The following RABGAP1L variants were observed in gnomAD, a reference collection of about 807,000 sequenced individuals.
The protein encoded by RABGAP1L is RAB GTPase activating protein 1 like.
Under a neutral mutation model 137.7 loss-of-function variants are expected in RABGAP1L, and 63 were observed. The ratio of observed to expected loss-of-function variants is 0.46; its 90% CI spans 0.37 to 0.56. The LOEUF is 0.56. Ranked by LOEUF, RABGAP1L falls within the 20% of genes least tolerant of loss-of-function variation. The pLI, the probability that RABGAP1L is intolerant of heterozygous loss-of-function variation, is 0.00. For missense variants in RABGAP1L, 1,095 were observed against 1,244.0 expected (o/e 0.88, Z 1.80); for synonymous variants, 431 against 433.7 (o/e 0.99, Z 0.08).
chr1:174,407,502 C>CT lies in RABGAP1L; in HGVS notation c.1710+13359dup, dbSNP rs550367723. Among the ~76,000 whole-genome samples, 12 of 152,142 alleles carry CT rather than the reference C, an allele frequency of 7.9e-5. No homozygotes were observed. In the East Asian group the frequency reaches 2.3e-3, roughly 29 times the overall value. ...TAATAGCCTATTGTTGAGTGGAAGC[C>CT]TTACCAATAACATAGGCAGTCAGTT... is the stretch of plus-strand genomic sequence containing the variant. On this transcript the variant is annotated intron_variant, in intron 13 of 25. Coordinates refer to ENST00000681986, the MANE Select transcript of RABGAP1L (RefSeq NM_001366446.1).
At chr1:174,210,238 C>T (rs573832264) in intron 1 of RABGAP1L, among the ~76,000 whole-genome samples, 1 of 152,234 alleles carries the variant, frequency 6.6e-6, no homozygotes, top group South Asian at 2.1e-4. Context: ...GAAAACATGA[C>T]CTTACCAAAG....
intron 19 of RABGAP1L, chr1:174,893,065 T>G: frequency 3.0e-6 from 1 of 329,386 alleles, no homozygotes. Context: ...CATTTCTGAT[T>G]TGTCCATTAT....
intron 18 of RABGAP1L, among the ~76,000 whole-genome samples, chr1:174,798,275 C>G (rs1438662011): frequency 6.7e-6 from 1 of 149,106 alleles, no homozygotes; most frequent in African/African-American, 2.5e-5. Context: ...GGTGTGGTGG[C>G]GGGCGCTTGT....
intron 11 of RABGAP1L, among the ~76,000 whole-genome samples, chr1:174,366,426 AC>A (rs1463537322): frequency 3.9e-5 from 6 of 152,090 alleles, no homozygotes; most frequent in Non-Finnish European, 7.3e-5. Context: ...GCCTTTAAAC[AC>A]CAACATTTTA....
intron 18 of RABGAP1L, among the ~76,000 whole-genome samples, chr1:174,760,925 C>T (rs1195023788): frequency 6.6e-6 from 1 of 152,220 alleles, no homozygotes; most frequent in African/African-American, 2.4e-5. Flanking sequence ...AGATACTGTT[C>T]TATGTGCTTG....
intron 5 of RABGAP1L, among the ~76,000 whole-genome samples, chr1:174,249,213 C>T (rs966875742): frequency 6.6e-6 from 1 of 152,022 alleles, no homozygotes; most frequent in African/African-American, 2.4e-5. Flanking sequence ...AGAATAAGAC[C>T]ATTTCAGCAT....
At chr1:174,953,281 A>C (rs1668015168) in intron 19 of RABGAP1L, among the ~76,000 whole-genome samples, 1 of 152,210 alleles carries the variant, frequency 6.6e-6, no homozygotes, top group Admixed American at 6.5e-5. Context: ...GAAGAGAGAA[A>C]ACATGGAGAA....
At chr1:174,903,407 A>G (rs1439398962) in intron 19 of RABGAP1L, among the ~76,000 whole-genome samples, 1 of 152,224 alleles carries the variant, frequency 6.6e-6, no homozygotes, top group Non-Finnish European at 1.5e-5. Flanking sequence ...ACTTCTTTTA[A>G]TACAGATAAT....
At chr1:174,436,548 G>A (rs1653335977) in intron 13 of RABGAP1L, among the ~76,000 whole-genome samples, 1 of 152,128 alleles carries the variant, frequency 6.6e-6, no homozygotes, top group Admixed American at 6.6e-5. Context: ...GTAGATTCTA[G>A]ATATTAGCCC....
chr1:174,195,794 TTTC>T, intron 1 of RABGAP1L, among the ~76,000 whole-genome samples: 3 of 142,464 alleles, frequency 2.1e-5, no homozygotes, highest in Non-Finnish European at 3.1e-5. Context: ...CTTTTCTTTC[TTTC>T]TTTCTTTCTT....
Position 174,378,120 on chromosome 1 carries a change from A to AT in RABGAP1L, c.1559+7054dup, listed in dbSNP as rs1183582666. Among the ~76,000 whole-genome samples the AT allele has an allele frequency of 1.7e-3, 250 of 145,854 alleles. 3 individuals carry two copies. Among genetic ancestry groups the AT allele is most frequent in the African/African-American group, 6.2e-3 (238 of 38,504 alleles). On this transcript the variant is annotated intron_variant, in intron 12 of 25. Transcript: ENST00000681986. ...TCCCTACAAAGGACATGAACTCATCATTTTTTACGGCTGCATAGTATTCCA... is the reference window on the plus strand; with the variant it reads ...TCCCTACAAAGGACATGAACTCATCATTTTTTTACGGCTGCATAGTATTCCA...
At chr1:174,763,261 G>A (rs1573075682) in intron 18 of RABGAP1L, among the ~76,000 whole-genome samples, 1 of 152,078 alleles carries the variant, frequency 6.6e-6, no homozygotes, top group East Asian at 1.9e-4. Flanking sequence ...GCTCATGCCT[G>A]TAATCCCAGC....
At chr1:174,388,934 G>T (rs982621722) in intron 12 of RABGAP1L, among the ~76,000 whole-genome samples, 1 of 150,442 alleles carries the variant, frequency 6.6e-6, no homozygotes, top group Non-Finnish European at 1.5e-5. Flanking sequence ...CAAAATTTCT[G>T]TAATTCCATT....
At chr1:174,431,523 A>G (rs1652625480) in intron 13 of RABGAP1L, among the ~76,000 whole-genome samples, 1 of 152,196 alleles carries the variant, frequency 6.6e-6, no homozygotes, top group Non-Finnish European at 1.5e-5. Context: ...AGCCTGAGCT[A>G]TGGCACTTTA....
rs191557715 is a variant in RABGAP1L at position 174,782,480 on chromosome 1, G to A, written c.2212-29352G>A. On this transcript the variant is annotated intron_variant, in intron 18 of 25. Transcript: ENST00000681986. ...GGAGATTTTGGGCTGAGACGATGGGGTTTTCTAGATATACAGTCATGTCAT... is the reference window on the plus strand; with the variant it reads ...GGAGATTTTGGGCTGAGACGATGGGATTTTCTAGATATACAGTCATGTCAT... Among the ~76,000 whole-genome samples, 3 of 152,150 alleles carry A rather than the reference G, an allele frequency of 2.0e-5. No individual in the cohort carries two copies. The South Asian group carries it at 6.2e-4, about 32-fold the overall frequency.
chr1:174,807,630 A>G (rs1689441119), intron 18 of RABGAP1L, among the ~76,000 whole-genome samples: 1 of 152,244 alleles, frequency 6.6e-6, no homozygotes, highest in African/African-American at 2.4e-5. Flanking sequence ...CATCAGAATC[A>G]AAGTAGGACT....
intron 7 of RABGAP1L, among the ~76,000 whole-genome samples, chr1:174,263,028 A>G (rs911974498): frequency 3.9e-5 from 6 of 152,226 alleles, no homozygotes; most frequent in African/African-American, 1.4e-4. Flanking sequence ...ACTCACATGC[A>G]GTCCCTCCGT....
At position 174,561,530 on chromosome 1, in the gene RABGAP1L, A is replaced by G. The variant is rs540241885; in HGVS notation, c.1711-75845A>G. Reference sequence around the variant, plus strand: ...TTACTTTAAACTTCATATGGAACCAAAAAAGAGCCCACATAGCCAAGACAA... The same window carrying G: ...TTACTTTAAACTTCATATGGAACCAGAAAAGAGCCCACATAGCCAAGACAA... On this transcript the variant is annotated intron_variant, in intron 13 of 25. Coordinates refer to ENST00000681986, the MANE Select transcript of RABGAP1L (RefSeq NM_001366446.1). Among the ~76,000 whole-genome samples, 4 of 152,340 alleles carry G rather than the reference A, an allele frequency of 2.6e-5. No individual in the cohort carries two copies. The South Asian group carries it at 8.3e-4, about 32-fold the overall frequency.
intron 19 of RABGAP1L, among the ~76,000 whole-genome samples, chr1:174,878,877 A>G (rs1302754973): frequency 6.7e-6 from 1 of 149,894 alleles, no homozygotes; most frequent in Admixed American, 6.6e-5. Context: ...ACCACTCATT[A>G]GGTATTTAAT....
Sources: allele counts gnomAD v4.1 joint callset (sites outside exome capture counted in the v4.1 genomes callset), GRCh38; gene constraint gnomAD v4.1.1; transcripts MANE v1.5; gene names NCBI Gene and HGNC (gene_info 2026-07-23, HGNC 2026-07-21).